NKAIN2: variants seen among roughly 807,000 people sequenced by gnomAD.
NKAIN2 encodes the protein sodium/potassium-transporting ATPase subunit beta-1-interacting protein 2.
A neutral mutation model predicts 32.6 loss-of-function variants in NKAIN2; 14 were observed. That is an observed-to-expected ratio of 0.43 (90% CI 0.28 to 0.67). The LOEUF is 0.67. Ranked by LOEUF, NKAIN2 falls within the 30% of genes least tolerant of loss-of-function variation. The pLI is 0.17. For synonymous variants in NKAIN2, 80 were observed against 87.2 expected (o/e 0.92, Z 0.46); for missense variants, 198 against 258.3 (o/e 0.77, Z 1.60).
At chr6:124,253,913 G>C (rs1234647202) in intron 1 of NKAIN2, among the ~76,000 whole-genome samples, 1 of 150,890 alleles carries the variant, frequency 6.6e-6, no homozygotes, top group Non-Finnish European at 1.5e-5. Flanking sequence ...CACTCCCCAG[G>C]TTCAAGTGAC....
At chr6:124,168,015 A>G (rs1381834065) in intron 1 of NKAIN2, among the ~76,000 whole-genome samples, 1 of 152,202 alleles carries the variant, frequency 6.6e-6, no homozygotes, top group Non-Finnish European at 1.5e-5. Context: ...ACCCACATAA[A>G]AAACCAAGCA....
chr6:124,215,707 C>A (rs964315934), intron 1 of NKAIN2, among the ~76,000 whole-genome samples: 1 of 152,130 alleles, frequency 6.6e-6, no homozygotes, highest in Non-Finnish European at 1.5e-5. Context: ...TATGTAAGAT[C>A]TGAACATGTT....
intron 4 of NKAIN2, among the ~76,000 whole-genome samples, chr6:124,747,526 A>C (rs552877366): frequency 6.6e-6 from 1 of 152,002 alleles, no homozygotes; most frequent in Admixed American, 6.6e-5. Flanking sequence ...TGAAGGAGAG[A>C]AGTTATGCTG....
chr6:124,437,187 C>A (rs1025006507), intron 3 of NKAIN2, among the ~76,000 whole-genome samples: 1 of 152,166 alleles, frequency 6.6e-6, no homozygotes, highest in African/African-American at 2.4e-5. Flanking sequence ...CAACTTAAAT[C>A]ATACTGTATA....
At chr6:124,129,881 G>A (rs1057292298) in intron 1 of NKAIN2, among the ~76,000 whole-genome samples, 2 of 152,128 alleles carry the variant, frequency 1.3e-5, no homozygotes, top group African/African-American at 2.4e-5. Flanking sequence ...GCCTCCCAAA[G>A]TGCTGGGATT....
chr6:124,588,264 A>C (rs76309806), intron 3 of NKAIN2, among the ~76,000 whole-genome samples: 2,670 of 152,202 alleles, frequency 0.018, 75 homozygotes, highest in African/African-American at 0.061. Context: ...TTTAAGTATG[A>C]ATTTTTTGTA....
chr6:124,740,847 T>C (rs1018483607), intron 4 of NKAIN2, among the ~76,000 whole-genome samples: 1 of 151,846 alleles, frequency 6.6e-6, no homozygotes, highest in Non-Finnish European at 1.5e-5. Flanking sequence ...TCTAATTATA[T>C]ATTAGGAAAA....
intron 3 of NKAIN2, among the ~76,000 whole-genome samples, chr6:124,403,541 T>C (rs1406637485): frequency 6.6e-6 from 1 of 152,164 alleles, no homozygotes; most frequent in African/African-American, 2.4e-5. Context: ...GTCAAAAGTA[T>C]TGTAGTGGCA....
intron 1 of NKAIN2, among the ~76,000 whole-genome samples, chr6:124,175,422 G>A (rs1314209504): frequency 6.6e-6 from 1 of 152,144 alleles, no homozygotes; most frequent in African/African-American, 2.4e-5. Context: ...GCTTCACTTG[G>A]CGTAAATTTA....
intron 3 of NKAIN2, among the ~76,000 whole-genome samples, chr6:124,515,992 A>T (rs562641675): frequency 6.6e-6 from 1 of 152,130 alleles, no homozygotes. Context: ...GCATTTTCAT[A>T]GTTATGCGAT....
chr6:124,114,274 G>C (rs931043455), intron 1 of NKAIN2, among the ~76,000 whole-genome samples: 9 of 152,050 alleles, frequency 5.9e-5, no homozygotes, highest in Non-Finnish European at 8.8e-5. Flanking sequence ...TATGATGATT[G>C]GATATTGTTT....
At chr6:124,439,215 A>G (rs1293573413) in intron 3 of NKAIN2, among the ~76,000 whole-genome samples, 7 of 152,108 alleles carry the variant, frequency 4.6e-5, no homozygotes, top group African/African-American at 1.7e-4. Context: ...TGTGTTTTCT[A>G]GCTCATGAAT....
intron 3 of NKAIN2, among the ~76,000 whole-genome samples, chr6:124,355,606 C>A (rs916164023): frequency 2.0e-5 from 3 of 151,996 alleles, no homozygotes; most frequent in Non-Finnish European, 4.4e-5. Context: ...AAACATTAAC[C>A]ACTGAATGAT....
chr6:124,203,580 G>A (rs1790696858), intron 1 of NKAIN2, among the ~76,000 whole-genome samples: 1 of 151,780 alleles, frequency 6.6e-6, no homozygotes, highest in South Asian at 2.1e-4. Context: ...AGCATGCTGA[G>A]AGAGAAAGGG....
At chr6:124,119,457 A>T (rs964628745) in intron 1 of NKAIN2, among the ~76,000 whole-genome samples, 1 of 152,208 alleles carries the variant, frequency 6.6e-6, no homozygotes, top group Non-Finnish European at 1.5e-5. Context: ...TATTCCTCAC[A>T]GGGTTGCTAT....
chr6:124,516,877 C>T (rs1778935371), intron 3 of NKAIN2, among the ~76,000 whole-genome samples: 1 of 152,116 alleles, frequency 6.6e-6, no homozygotes, highest in Admixed American at 6.5e-5. Flanking sequence ...TTTGCTCAAA[C>T]CAATTTTTGT....
chr6:123,807,525 T>G (rs1480191264), intron 1 of NKAIN2, among the ~76,000 whole-genome samples: 1 of 152,128 alleles, frequency 6.6e-6, no homozygotes, highest in Non-Finnish European at 1.5e-5. Flanking sequence ...GTTTTTAACT[T>G]CTTATTTACT....
intron 1 of NKAIN2, among the ~76,000 whole-genome samples, chr6:123,860,118 GA>G (rs1775724277): frequency 6.6e-6 from 1 of 152,122 alleles, no homozygotes; most frequent in African/African-American, 2.4e-5. Context: ...TTGAAGCACT[GA>G]AAACACATCT....
chr6:124,704,871 A>C (rs999818505), intron 4 of NKAIN2, among the ~76,000 whole-genome samples: 2 of 152,022 alleles, frequency 1.3e-5, no homozygotes, highest in Non-Finnish European at 1.5e-5. Context: ...AGGGAGTGCT[A>C]TCTGCATTTA....
Sources: allele counts gnomAD v4.1 joint callset (sites outside exome capture counted in the v4.1 genomes callset), GRCh38; gene constraint gnomAD v4.1.1; transcripts MANE v1.5; gene names NCBI Gene and HGNC (gene_info 2026-07-23, HGNC 2026-07-21).